Variants in RUBCNL observed in about 807,000 individuals in gnomAD.
RUBCNL encodes the protein rubicon like autophagy enhancer, also known as protein associated with UVRAG as autophagy enhancer.
A neutral mutation model predicts 69.5 loss-of-function variants in RUBCNL; 62 were observed. The observed-to-expected ratio is 0.89, with a 90% CI of 0.73 to 1.10. RUBCNL has a LOEUF of 1.10. Among genes scored for constraint, RUBCNL ranks in the 50% least tolerant of loss-of-function variants. RUBCNL has a pLI of 0.00. For missense variants in RUBCNL, 768 were observed against 798.1 expected (o/e 0.96, Z 0.45); for synonymous variants, 291 against 303.6 (o/e 0.96, Z 0.43).
intron 1 of RUBCNL, among the ~76,000 whole-genome samples, chr13:46,381,961 T>A (rs1209591893): frequency 1.3e-5 from 2 of 152,064 alleles, no homozygotes; most frequent in African/African-American, 4.8e-5. Context: ...TGCCACCATA[T>A]CTGGCCAATT....
In RUBCNL at chr13:46,338,653, A is replaced by T. The variant is rs1313278386; in HGVS notation, c.*4732T>A. On this transcript the variant is annotated 3_prime_UTR_variant, in exon 15 of 15. Coordinates refer to ENST00000429979, the MANE Select transcript of RUBCNL (RefSeq NM_025113.5). ...TGAAAGGGCAGTCCTGATCCCAGGCAAGGGATGCAAGAAGAACAAGACCAT... is the reference window on the plus strand; with the variant it reads ...TGAAAGGGCAGTCCTGATCCCAGGCTAGGGATGCAAGAAGAACAAGACCAT... Among the ~76,000 whole-genome samples the T allele has an allele frequency of 2.0e-5, 3 of 152,130 alleles. No individual in the cohort carries two copies. Among genetic ancestry groups the T allele is most frequent in the Non-Finnish European group, 4.4e-5 (3 of 68,028 alleles).
chr13:46,342,617 T>C lies in RUBCNL; in HGVS notation c.*768A>G, dbSNP rs1287560566. 2 of 152,226 alleles carry C rather than the reference T, an allele frequency of 1.3e-5. No homozygotes were observed. The highest frequency in any genetic ancestry group is 4.8e-5 in the African/African-American group (2 of 41,454). 9.4% of individuals were successfully genotyped at this position (152,226 alleles called of 1,614,324 possible). ...CGTTTAAATCTGCAAATACCTTATG[T>C]TCAGTTTTACATCTGTTAAAGCAAG... is the stretch of plus-strand genomic sequence containing the variant. On this transcript the variant is annotated 3_prime_UTR_variant, in exon 15 of 15. Coordinates refer to ENST00000429979, the MANE Select transcript of RUBCNL (RefSeq NM_025113.5).
intron 1 of RUBCNL, among the ~76,000 whole-genome samples, chr13:46,384,483 C>T (rs1050708892): frequency 3.9e-5 from 6 of 152,128 alleles, no homozygotes; most frequent in Non-Finnish European, 7.4e-5. Flanking sequence ...TTTCTGCAAA[C>T]GTACTTACTC....
Position 46,361,436 on chromosome 13 carries a change from C to G in RUBCNL, c.1119+5G>C, listed in dbSNP as rs1293051381. On this transcript the variant is annotated splice_donor_5th_base_variant and intron_variant, in intron 8 of 14. Coordinates refer to ENST00000429979, the MANE Select transcript of RUBCNL (RefSeq NM_025113.5). ...AATTCAAGGTCAATTTTTTTTGATA[C>G]TTACTATCGAGCCAGCTGCACTCAG... 1.9e-6 allele frequency: 3 copies of G among 1,611,966 alleles called. No individual in the cohort carries two copies. Among genetic ancestry groups the G allele is most frequent in the Non-Finnish European group, 2.5e-6 (3 of 1,179,164 alleles).
chr13:46,355,874 TAGAA>T (rs1740495508), intron 10 of RUBCNL, among the ~76,000 whole-genome samples: 1 of 152,148 alleles, frequency 6.6e-6, no homozygotes, highest in African/African-American at 2.4e-5. Context: ...GAGACTATTT[TAGAA>T]AGACTGTGCT....
intron 1 of RUBCNL, among the ~76,000 whole-genome samples, chr13:46,384,217 C>T (rs1401963406): frequency 2.0e-5 from 3 of 152,134 alleles, no homozygotes; most frequent in African/African-American, 4.8e-5. Flanking sequence ...TAGATAAGTG[C>T]TAGTCCCTTC....
rs1303501659 is a variant in RUBCNL at position 46,341,403 on chromosome 13, C to T, written c.*1982G>A. ...CTGAAGATCACTTCCCTAACAGGTG[C>T]CTTCCTGGGAAGAAGCCTCTATTAT... On this transcript the variant is annotated 3_prime_UTR_variant, in exon 15 of 15. Coordinates refer to ENST00000429979, the MANE Select transcript of RUBCNL (RefSeq NM_025113.5). 6.6e-6 allele frequency among the ~76,000 whole-genome samples: 1 copy of T among 152,174 alleles called. No individual in the cohort carries two copies. The highest frequency in any genetic ancestry group is 1.5e-5 in the Non-Finnish European group (1 of 68,020).
intron 1 of RUBCNL, among the ~76,000 whole-genome samples, chr13:46,385,702 G>T (rs953849321): frequency 6.6e-6 from 1 of 150,614 alleles, no homozygotes; most frequent in African/African-American, 2.4e-5. Context: ...TTTACTCTTG[G>T]ATGTTTAACC....
chr13:46,381,388 T>TATATAA (rs1234854193), intron 1 of RUBCNL, among the ~76,000 whole-genome samples: 1 of 151,966 alleles, frequency 6.6e-6, no homozygotes, highest in African/African-American at 2.4e-5. Context: ...TATATATATA[T>TATATAA]AAAATGTCCA....
Position 46,335,283 on chromosome 13 carries a change from TTTA to T in RUBCNL, c.*8099_*8101del, listed in dbSNP as rs1566533045. 6.8e-6 allele frequency among the ~76,000 whole-genome samples: 1 copy of T among 147,892 alleles called. No individual in the cohort carries two copies. The highest frequency in any genetic ancestry group is 2.5e-5 in the African/African-American group (1 of 39,732). On this transcript the variant is annotated 3_prime_UTR_variant, in exon 15 of 15. Transcript: ENST00000429979. ...TTGTTTTTTTTTTTTTTTTTTTTTTTTTAAGAGACAGGGTCTCGCTATGTTGCA... is the reference window on the plus strand; with the variant it reads ...TTGTTTTTTTTTTTTTTTTTTTTTTTAGAGACAGGGTCTCGCTATGTTGCA...
At chr13:46,363,833 C>G (rs2048686579) in intron 5 of RUBCNL, among the ~76,000 whole-genome samples, 1 of 150,492 alleles carries the variant, frequency 6.6e-6, no homozygotes, top group South Asian at 2.1e-4. Context: ...TGCACTCCAG[C>G]CTGGGTGACA....
At chr13:46,349,678 AT>A (rs775859134) in intron 11 of RUBCNL, among the ~76,000 whole-genome samples, 5,664 of 141,630 alleles carry the variant, frequency 0.04, 299 homozygotes, top group African/African-American at 0.12. Flanking sequence ...AGCTTCACTA[AT>A]TTTTTTTTTT....
chr13:46,385,379 T>C, intron 1 of RUBCNL: 1 of 391,576 alleles, frequency 2.6e-6, no homozygotes, highest in Non-Finnish European at 3.5e-6. Flanking sequence ...GGCACTAATA[T>C]TACTACACTT....
rs1464739557 is a variant in RUBCNL, at chr13:46,338,008, C to T, written c.*5377G>A. Reference sequence around the variant, plus strand: ...GCTGCCAAAAGTTCAGAGAGCTGTCCCCAGTAGAATAATGAGGTAAATGCA... The same window carrying T: ...GCTGCCAAAAGTTCAGAGAGCTGTCTCCAGTAGAATAATGAGGTAAATGCA... On this transcript the variant is annotated 3_prime_UTR_variant, in exon 15 of 15. Transcript: ENST00000429979. Among the ~76,000 whole-genome samples the T allele has an allele frequency of 6.6e-6, 1 of 151,996 alleles. No individual in the cohort carries two copies.
chr13:46,379,910 C>G (rs1307328651), intron 1 of RUBCNL, among the ~76,000 whole-genome samples: 1 of 152,226 alleles, frequency 6.6e-6, no homozygotes, highest in African/African-American at 2.4e-5. Flanking sequence ...AAAACTATCA[C>G]ATATCAAATA....
At position 46,345,464 on chromosome 13, in the gene RUBCNL, G is replaced by A. The variant is rs1044800419; in HGVS notation, c.1768C>T (p.His590Tyr). ...ACCCTCACCTCACAGCCAGCCACATGTGCAAGGGAAGCTTTCAGAATGTCC... is the reference window on the plus strand; with the variant it reads ...ACCCTCACCTCACAGCCAGCCACATATGCAAGGGAAGCTTTCAGAATGTCC... ...LKDILKASLA[H>Y]VAGCELCQGK... The change falls in exon 13 of 15, where the codon CAT (histidine) becomes TAT (tyrosine). Residue 590 changes from histidine (H) to tyrosine (Y), a missense_variant. By Grantham distance (83) the His-to-Tyr change is moderately conservative. Transcript: ENST00000429979. 2 of 1,566,682 alleles carry A rather than the reference G, an allele frequency of 1.3e-6. No homozygotes were observed. Among genetic ancestry groups the A allele is most frequent in the African/African-American group, 1.4e-5 (1 of 73,714 alleles).
intron 4 of RUBCNL, 47 bp from the exon 5 acceptor site, chr13:46,368,296 C>T (rs1393672908): frequency 6.4e-7 from 1 of 1,552,848 alleles, no homozygotes; most frequent in Non-Finnish European, 8.8e-7. Context: ...TCAACTTTTT[C>T]ATGGAGGGTA....
intron 2 of RUBCNL, among the ~76,000 whole-genome samples, chr13:46,373,222 C>T (rs1290343199): frequency 2.0e-5 from 3 of 152,138 alleles, no homozygotes; most frequent in Non-Finnish European, 4.4e-5. Context: ...GATCCACTCG[C>T]CTCAGCCTCT....
intron 1 of RUBCNL, chr13:46,385,148 G>T: frequency 3.2e-6 from 1 of 316,208 alleles, no homozygotes; most frequent in Non-Finnish European, 4.6e-6. Context: ...TGTAGCACGT[G>T]TATCAGTCTG....
Sources: allele counts gnomAD v4.1 joint callset (sites outside exome capture counted in the v4.1 genomes callset), GRCh38; gene constraint gnomAD v4.1.1; transcripts MANE v1.5; gene names NCBI Gene and HGNC (gene_info 2026-07-23, HGNC 2026-07-21).